Variants in GRIK2 observed in about 807,000 individuals in gnomAD.
The protein encoded by GRIK2 is glutamate ionotropic receptor kainate type subunit 2, also known as glutamate receptor ionotropic, kainate 2.
GRIK2 carries 32 observed loss-of-function variants against 100.3 expected under a neutral mutation model. The observed-to-expected ratio is 0.32, with a 90% CI of 0.24 to 0.43. The LOEUF (loss-of-function observed/expected upper bound fraction) is 0.43. Among genes scored for constraint, GRIK2 ranks in the 20% least tolerant of loss-of-function variants. The pLI is 1.00. For synonymous variants in GRIK2, 417 were observed against 389.4 expected, an observed-to-expected ratio of 1.07 and a Z score of -0.83; for missense variants, 843 against 1,114.9, an observed-to-expected ratio of 0.76 and a Z score of 3.47.
At chr6:101,649,046 T>G (rs563755171) in intron 4 of GRIK2, among the ~76,000 whole-genome samples, 1 of 152,188 alleles carries the variant, frequency 6.6e-6, no homozygotes, top group South Asian at 2.1e-4. Flanking sequence ...GGCCACACCC[T>G]TGACACGTGG....
intron 14 of GRIK2, among the ~76,000 whole-genome samples, chr6:101,997,905 T>A (rs1794733786): frequency 6.6e-6 from 1 of 152,106 alleles, no homozygotes; most frequent in African/African-American, 2.4e-5. Context: ...GCCAAGTAAC[T>A]AAAAAAATCT....
chr6:101,827,775 G>A (rs1474665223), intron 10 of GRIK2, among the ~76,000 whole-genome samples: 2 of 151,806 alleles, frequency 1.3e-5, no homozygotes, highest in East Asian at 1.9e-4. Flanking sequence ...GAGCTCCCAC[G>A]TTCATAAAAC....
intron 2 of GRIK2, among the ~76,000 whole-genome samples, chr6:101,545,541 A>C (rs1333465558): frequency 1.3e-5 from 2 of 152,172 alleles, no homozygotes; most frequent in Admixed American, 6.5e-5. Flanking sequence ...TCTTCAAGGA[A>C]ATGTGCCTAG....
At chr6:101,658,960 TC>T (rs1769401051) in intron 4 of GRIK2, among the ~76,000 whole-genome samples, 1 of 152,316 alleles carries the variant, frequency 6.6e-6, no homozygotes, top group East Asian at 1.9e-4. Context: ...AAAAATTTTC[TC>T]CCATTCTATA....
intron 2 of GRIK2, among the ~76,000 whole-genome samples, chr6:101,585,703 C>G (rs1157696635): frequency 6.6e-6 from 1 of 151,876 alleles, no homozygotes; most frequent in Non-Finnish European, 1.5e-5. Context: ...GAAATTGGAA[C>G]CAGGTGGAAA....
intron 7 of GRIK2, among the ~76,000 whole-genome samples, chr6:101,695,949 T>C (rs760440054): frequency 2.0e-5 from 3 of 152,074 alleles, no homozygotes; most frequent in African/African-American, 4.8e-5. Flanking sequence ...TGAAGTACAA[T>C]TTCTACTTTT....
intron 2 of GRIK2, among the ~76,000 whole-genome samples, chr6:101,615,746 A>T (rs1453410735): frequency 6.6e-6 from 1 of 151,850 alleles, no homozygotes; most frequent in Non-Finnish European, 1.5e-5. Flanking sequence ...AAAGAAAAAC[A>T]TCTTGTTTAA....
intron 14 of GRIK2, among the ~76,000 whole-genome samples, chr6:101,938,700 C>T (rs1199609753): frequency 6.6e-6 from 1 of 151,916 alleles, no homozygotes; most frequent in Non-Finnish European, 1.5e-5. Context: ...CTGAATGTGT[C>T]TGTGTGTGTA....
At chr6:101,475,926 T>C (rs1043874368) in intron 2 of GRIK2, among the ~76,000 whole-genome samples, 8 of 152,028 alleles carry the variant, frequency 5.3e-5, no homozygotes, top group Non-Finnish European at 8.8e-5. Flanking sequence ...TAAATACTTT[T>C]AGATGCTAGG....
At chr6:101,719,495 A>G (rs1774321805) in intron 7 of GRIK2, among the ~76,000 whole-genome samples, 1 of 152,016 alleles carries the variant, frequency 6.6e-6, no homozygotes, top group Non-Finnish European at 1.5e-5. Context: ...GGGAAAATTA[A>G]CTAAGTATCT....
chr6:101,511,970 A>T (rs1180008030), intron 2 of GRIK2, among the ~76,000 whole-genome samples: 1 of 151,922 alleles, frequency 6.6e-6, no homozygotes, highest in African/African-American at 2.4e-5. Flanking sequence ...AGCATCTAAA[A>T]AGTTGGTCTC....
chr6:102,035,012 A>C (rs2114424862), intron 14 of GRIK2, among the ~76,000 whole-genome samples: 1 of 151,404 alleles, frequency 6.6e-6, no homozygotes, highest in East Asian at 1.9e-4. Context: ...GACAAGCACA[A>C]AGAACTTCCT....
At chr6:101,397,246 AT>A (rs1037087274) in intron 1 of GRIK2, among the ~76,000 whole-genome samples, 2 of 152,156 alleles carry the variant, frequency 1.3e-5, no homozygotes, top group Admixed American at 1.3e-4. Flanking sequence ...GTGAAGGATT[AT>A]TTTTTTCCCC....
chr6:101,761,889 C>T (rs991547466), intron 7 of GRIK2, among the ~76,000 whole-genome samples: 19 of 127,406 alleles, frequency 1.5e-4, no homozygotes, highest in Non-Finnish European at 2.4e-4. Flanking sequence ...TTCCTTCCTT[C>T]CTCCCTTCTT....
At chr6:101,548,935 T>C (rs1237393090) in intron 2 of GRIK2, among the ~76,000 whole-genome samples, 1 of 152,180 alleles carries the variant, frequency 6.6e-6, no homozygotes, top group African/African-American at 2.4e-5. Context: ...GAACATCTCC[T>C]TATAGATAGT....
chr6:101,824,702 T>A (rs1484729380), intron 10 of GRIK2, among the ~76,000 whole-genome samples: 2 of 152,196 alleles, frequency 1.3e-5, no homozygotes, highest in Non-Finnish European at 2.9e-5. Flanking sequence ...AGATTCCTTC[T>A]CCCCAGTGGC....
chr6:101,740,777 G>A (rs1775974120), intron 7 of GRIK2, among the ~76,000 whole-genome samples: 1 of 152,136 alleles, frequency 6.6e-6, no homozygotes, highest in Non-Finnish European at 1.5e-5. Flanking sequence ...AAGAAAGGAA[G>A]CAAGAGGGGG....
chr6:101,580,229 C>T (rs1189269024), intron 2 of GRIK2, among the ~76,000 whole-genome samples: 1 of 152,156 alleles, frequency 6.6e-6, no homozygotes, highest in Admixed American at 6.6e-5. Flanking sequence ...ATTTTATTCC[C>T]AGCCAACCTG....
intron 7 of GRIK2, among the ~76,000 whole-genome samples, chr6:101,740,708 C>G (rs1037002658): frequency 6.6e-6 from 1 of 152,152 alleles, no homozygotes. Context: ...GCCTCTGCTT[C>G]TTGTGAGGAC....
Sources: allele counts gnomAD v4.1 joint callset (sites outside exome capture counted in the v4.1 genomes callset), GRCh38; gene constraint gnomAD v4.1.1; transcripts MANE v1.5; gene names NCBI Gene and HGNC (gene_info 2026-07-23, HGNC 2026-07-21).